Variants in MEGF11 observed in about 807,000 individuals in gnomAD.
MEGF11 encodes multiple epidermal growth factor-like domains protein 11.
MEGF11 carries 126 observed loss-of-function variants against 146.6 expected under a neutral mutation model. That is an observed-to-expected ratio of 0.86 (90% CI 0.74 to 1.00). The LOEUF (loss-of-function observed/expected upper bound fraction) is 1.00. Among genes scored for constraint, MEGF11 ranks in the 50% least tolerant of loss-of-function variants. MEGF11 has a pLI of 0.00. For missense variants in MEGF11, 1,509 were observed against 1,521.2 expected (o/e 0.99, Z 0.13); for synonymous variants, 532 against 583.4 (o/e 0.91, Z 1.27).
At chr15:66,061,852 A>G in intron 5 of MEGF11, among the ~76,000 whole-genome samples, 1 of 152,156 alleles carries the variant, frequency 6.6e-6, no homozygotes, top group East Asian at 1.9e-4. Flanking sequence ...GCCCAGGTTG[A>G]TAATCAAACT....
At chr15:66,200,185 C>T (rs1414537060) in intron 1 of MEGF11, among the ~76,000 whole-genome samples, 1 of 152,232 alleles carries the variant, frequency 6.6e-6, no homozygotes. Context: ...TCCAGTGAGG[C>T]TCCTTATGTG....
chr15:66,132,269 A>C (rs2088678171), intron 1 of MEGF11, among the ~76,000 whole-genome samples: 1 of 152,248 alleles, frequency 6.6e-6, no homozygotes, highest in Non-Finnish European at 1.5e-5. Context: ...TTAGTTGCTC[A>C]CATTATCCAA....
intron 5 of MEGF11, among the ~76,000 whole-genome samples, chr15:65,999,201 T>A (rs534297240): frequency 2.0e-5 from 3 of 152,068 alleles, no homozygotes; most frequent in African/African-American, 7.2e-5. Context: ...CCGGCTATTT[T>A]TTTTTAATTG....
intron 10 of MEGF11, among the ~76,000 whole-genome samples, chr15:65,948,295 A>G (rs1477315290): frequency 2.0e-5 from 3 of 150,666 alleles, no homozygotes; most frequent in Non-Finnish European, 4.4e-5. Flanking sequence ...AGGGAAGTTC[A>G]CTTTCCCTTT....
chr15:65,970,726 C>T, intron 7 of MEGF11, 37 bp from the exon 8 acceptor site: 4 of 1,575,732 alleles, frequency 2.5e-6, no homozygotes, highest in Non-Finnish European at 3.4e-6. Context: ...TGGCGGTGCT[C>T]CAGAAATGCC....
At chr15:66,001,695 G>A (rs535726787) in intron 5 of MEGF11, among the ~76,000 whole-genome samples, 2 of 152,156 alleles carry the variant, frequency 1.3e-5, no homozygotes, top group Non-Finnish European at 2.9e-5. Flanking sequence ...GGAGGTGGGA[G>A]GACTAGGTGA....
At chr15:66,131,184 G>C (rs1447562441) in intron 1 of MEGF11, among the ~76,000 whole-genome samples, 1 of 152,190 alleles carries the variant, frequency 6.6e-6, no homozygotes, top group Non-Finnish European at 1.5e-5. Context: ...CTGATGGACT[G>C]GGCAGGGCGG....
intron 5 of MEGF11, among the ~76,000 whole-genome samples, chr15:66,069,210 G>A (rs1281902734): frequency 6.6e-6 from 1 of 152,252 alleles, no homozygotes; most frequent in Non-Finnish European, 1.5e-5. Flanking sequence ...TACCGTCCAA[G>A]TCTGTTTGGT....
intron 4 of MEGF11, among the ~76,000 whole-genome samples, chr15:66,101,029 G>A (rs935219405): frequency 3.2e-5 from 3 of 93,812 alleles, no homozygotes; most frequent in Non-Finnish European, 4.7e-5. Context: ...GTGGGTGAGC[G>A]GGTGAGCAGG....
intron 4 of MEGF11, among the ~76,000 whole-genome samples, chr15:66,113,503 G>A (rs1039279630): frequency 4.6e-5 from 7 of 152,134 alleles, no homozygotes; most frequent in East Asian, 1.9e-4. Flanking sequence ...CTCCTTGCCC[G>A]CTGCAGTGAG....
chr15:65,930,061 G>A (rs1256660370), intron 11 of MEGF11, among the ~76,000 whole-genome samples, 178 bp from the exon 12 acceptor site: 1 of 152,154 alleles, frequency 6.6e-6, no homozygotes, highest in Non-Finnish European at 1.5e-5. Context: ...GGAGAGCTGG[G>A]GCTAGAACCC....
At chr15:66,045,748 G>T (rs1464221748) in intron 5 of MEGF11, among the ~76,000 whole-genome samples, 1 of 152,224 alleles carries the variant, frequency 6.6e-6, no homozygotes, top group East Asian at 1.9e-4. Flanking sequence ...TTTACAGTTG[G>T]CAGGGCACTT....
intron 1 of MEGF11, among the ~76,000 whole-genome samples, chr15:66,221,958 TA>T (rs1724655550): frequency 1.3e-5 from 2 of 152,290 alleles, no homozygotes; most frequent in South Asian, 4.1e-4. Flanking sequence ...TTGTGCTTGT[TA>T]AAAAGTGGAT....
Position 66,183,235 on chromosome 15 carries a change from C to T in MEGF11, c.-8-54824G>A, listed in dbSNP as rs185439479. Among the ~76,000 whole-genome samples, 349 of 152,172 alleles carry T rather than the reference C, an allele frequency of 2.3e-3. 1 individual carries two copies. The highest frequency in any genetic ancestry group is 8.2e-3 in the African/African-American group (339 of 41,506). On this transcript the variant is annotated intron_variant, in intron 1 of 25. Coordinates refer to ENST00000395614, the MANE Select transcript of MEGF11 (RefSeq NM_001385028.1). ...CACACGGTGGCTGGGCGTGGGGGCTCACGCCTGTAATCCCAGCACTTTGGG... is the reference window on the plus strand; with the variant it reads ...CACACGGTGGCTGGGCGTGGGGGCTTACGCCTGTAATCCCAGCACTTTGGG...
intron 1 of MEGF11, among the ~76,000 whole-genome samples, chr15:66,162,713 G>C (rs1204786559): frequency 6.6e-6 from 1 of 152,154 alleles, no homozygotes; most frequent in Non-Finnish European, 1.5e-5. Context: ...TCTTGGTCTG[G>C]GTGGGGCCAC....
chr15:66,175,816 C>T (rs12593341), intron 1 of MEGF11, among the ~76,000 whole-genome samples: 37,007 of 151,908 alleles, frequency 0.24, 4,876 homozygotes, highest in South Asian at 0.36. Flanking sequence ...CAAAAATAGA[C>T]GAATGGGACT....
At chr15:66,106,216 G>A (rs1169089283) in intron 4 of MEGF11, among the ~76,000 whole-genome samples, 2 of 152,244 alleles carry the variant, frequency 1.3e-5, no homozygotes, top group African/African-American at 4.8e-5. Context: ...TCTCAGGAGA[G>A]TCTAGGGAGA....
chr15:65,913,215 G>C (rs1015651953), intron 20 of MEGF11, among the ~76,000 whole-genome samples: 8 of 152,160 alleles, frequency 5.3e-5, no homozygotes, highest in African/African-American at 1.9e-4. Flanking sequence ...ACTTGCCAGA[G>C]GGACATTGTC....
chr15:66,035,123 C>T (rs2083679509), intron 5 of MEGF11, among the ~76,000 whole-genome samples: 3 of 152,132 alleles, frequency 2.0e-5, no homozygotes, highest in Admixed American at 1.3e-4. Context: ...AAGACAATAC[C>T]TCAGGGGGTT....
Sources: allele counts gnomAD v4.1 joint callset (sites outside exome capture counted in the v4.1 genomes callset), GRCh38; gene constraint gnomAD v4.1.1; transcripts MANE v1.5; gene names NCBI Gene and HGNC (gene_info 2026-07-23, HGNC 2026-07-21).